HCRTR2: variants seen among roughly 807,000 people sequenced by gnomAD.
The protein encoded by HCRTR2 is orexin receptor type 2.
Under a neutral mutation model 49.0 loss-of-function variants are expected in HCRTR2, and 22 were observed. The ratio of observed to expected loss-of-function variants is 0.45; its 90% CI spans 0.32 to 0.64. The LOEUF (loss-of-function observed/expected upper bound fraction) is 0.64. Ranked by LOEUF, HCRTR2 falls within the 30% of genes least tolerant of loss-of-function variation. The probability of loss-of-function intolerance (pLI) is 0.04; values close to 1 mark genes in which losing one functional copy is unlikely to be tolerated. For synonymous variants in HCRTR2, 236 were observed against 205.3 expected (o/e 1.15, Z -1.28); for missense variants, 491 against 559.4 (o/e 0.88, Z 1.23).
chr6:55,207,032 T>A (rs904700329), intron 1 of HCRTR2, among the ~76,000 whole-genome samples: 3 of 152,118 alleles, frequency 2.0e-5, no homozygotes, highest in African/African-American at 7.2e-5. Flanking sequence ...TGCTTTGCTA[T>A]AAAATGGGAG....
At chr6:55,272,571 TATTTTAAA>T (rs984781417) in intron 4 of HCRTR2, among the ~76,000 whole-genome samples, 1 of 151,028 alleles carries the variant, frequency 6.6e-6, no homozygotes, top group Non-Finnish European at 1.5e-5. Flanking sequence ...AATGATGGGA[TATTTTAAA>T]ATTTTAAAAA....
At chr6:55,279,407 G>C (rs781173803) in intron 5 of HCRTR2, among the ~76,000 whole-genome samples, 13 of 151,644 alleles carry the variant, frequency 8.6e-5, no homozygotes, top group Non-Finnish European at 1.6e-4. Flanking sequence ...TCTTTTGTCC[G>C]TATTATTTCA....
chr6:55,252,346 A>T (rs1766566085), intron 2 of HCRTR2, among the ~76,000 whole-genome samples: 1 of 152,250 alleles, frequency 6.6e-6, no homozygotes, highest in Middle Eastern at 3.4e-3. Context: ...TAGAAATGAC[A>T]TTGATATTTG....
At chr6:55,223,511 A>C (rs1382158019) in intron 1 of HCRTR2, among the ~76,000 whole-genome samples, 1 of 152,220 alleles carries the variant, frequency 6.6e-6, no homozygotes, top group Non-Finnish European at 1.5e-5. Context: ...TTTAGGAACA[A>C]ACTACACTTG....
At chr6:55,119,830 C>T (rs562179030) in intron 1 of HCRTR2, among the ~76,000 whole-genome samples, 16 of 152,048 alleles carry the variant, frequency 1.1e-4, no homozygotes, top group African/African-American at 3.4e-4. Context: ...GTGTTGTAGA[C>T]ATGAAGTCTT....
intron 1 of HCRTR2, among the ~76,000 whole-genome samples, chr6:55,228,184 G>T (rs1479371517): frequency 5.3e-5 from 8 of 151,702 alleles, no homozygotes; most frequent in Admixed American, 5.3e-4. Flanking sequence ...TAGGACCAAG[G>T]GAAAAGAAGT....
At chr6:55,221,489 A>G (rs573778401) in intron 1 of HCRTR2, among the ~76,000 whole-genome samples, 1 of 152,282 alleles carries the variant, frequency 6.6e-6, no homozygotes, top group South Asian at 2.1e-4. Flanking sequence ...ATTAGACCCT[A>G]CTCAAAAAAT....
At chr6:55,249,040 T>G (rs1265360277) in intron 2 of HCRTR2, among the ~76,000 whole-genome samples, 3 of 152,148 alleles carry the variant, frequency 2.0e-5, no homozygotes, top group Non-Finnish European at 4.4e-5. Context: ...ACAAACATTT[T>G]TGCACAACTT....
chr6:55,213,242 C>A (rs2127292827), intron 1 of HCRTR2, among the ~76,000 whole-genome samples: 1 of 152,190 alleles, frequency 6.6e-6, no homozygotes, highest in East Asian at 1.9e-4. Flanking sequence ...CACATAGAAT[C>A]TTGGGGTTTC....
intron 1 of HCRTR2, among the ~76,000 whole-genome samples, chr6:55,206,571 C>T (rs1418642784): frequency 2.0e-5 from 3 of 151,222 alleles, no homozygotes; most frequent in Non-Finnish European, 4.4e-5. Flanking sequence ...AGGAGTATAG[C>T]GAAAAATAGC....
chr6:55,177,648 C>T (rs1169628778), intron 1 of HCRTR2, among the ~76,000 whole-genome samples: 1 of 152,108 alleles, frequency 6.6e-6, no homozygotes, highest in African/African-American at 2.4e-5. Context: ...TTTGGGCTTA[C>T]AAATATAATG....
intron 1 of HCRTR2, among the ~76,000 whole-genome samples, chr6:55,223,230 T>C (rs1242861248): frequency 1.3e-5 from 2 of 152,146 alleles, no homozygotes; most frequent in Non-Finnish European, 2.9e-5. Context: ...TATTAGTAAC[T>C]GGGATCCTTG....
At chr6:55,180,457 T>A (rs1424597767) in intron 1 of HCRTR2, among the ~76,000 whole-genome samples, 1 of 152,234 alleles carries the variant, frequency 6.6e-6, no homozygotes, top group Non-Finnish European at 1.5e-5. Context: ...ACTACAGTTC[T>A]TCAGCTCTGA....
intron 1 of HCRTR2, among the ~76,000 whole-genome samples, chr6:55,223,649 T>C (rs1423978920): frequency 6.6e-6 from 1 of 152,216 alleles, no homozygotes; most frequent in Non-Finnish European, 1.5e-5. Flanking sequence ...TGTTGATATT[T>C]TTTATCACTT....
At chr6:55,208,334 A>T (rs528038277) in intron 1 of HCRTR2, among the ~76,000 whole-genome samples, 32 of 151,162 alleles carry the variant, frequency 2.1e-4, no homozygotes, top group East Asian at 1.2e-3. Context: ...AAATAAAAAA[A>T]AAAAAAAAAT....
intron 1 of HCRTR2, among the ~76,000 whole-genome samples, chr6:55,183,777 CGT>C (rs1053853876): frequency 1.8e-4 from 28 of 151,652 alleles, no homozygotes; most frequent in African/African-American, 6.3e-4. Flanking sequence ...AGGCTTTCTA[CGT>C]GCTGCATACA....
At chr6:55,279,735 T>G (rs778401114) in intron 5 of HCRTR2, among the ~76,000 whole-genome samples, 12 of 152,116 alleles carry the variant, frequency 7.9e-5, no homozygotes, top group Non-Finnish European at 1.5e-4. Flanking sequence ...ACAAAACATT[T>G]TTTAAAGTTT....
At chr6:55,238,959 G>A (rs948630098) in intron 1 of HCRTR2, among the ~76,000 whole-genome samples, 2 of 152,132 alleles carry the variant, frequency 1.3e-5, no homozygotes. Context: ...ATGCAAAAGG[G>A]TCAAAGAGAA....
chr6:55,137,083 G>C (rs1307215972), intron 1 of HCRTR2, among the ~76,000 whole-genome samples: 3 of 152,176 alleles, frequency 2.0e-5, no homozygotes, highest in Non-Finnish European at 4.4e-5. Context: ...TAAGCATTAG[G>C]AGCCTTCTTT....
Sources: allele counts gnomAD v4.1 joint callset (sites outside exome capture counted in the v4.1 genomes callset), GRCh38; gene constraint gnomAD v4.1.1; transcripts MANE v1.5; gene names NCBI Gene and HGNC (gene_info 2026-07-23, HGNC 2026-07-21).